The following CNTN5 variants were observed in gnomAD, a reference collection of about 807,000 sequenced individuals.
The protein encoded by CNTN5 is contactin 5, also known as contactin-5.
In CNTN5, 77 loss-of-function variants were observed where a neutral mutation model predicts 129.1. That is an observed-to-expected ratio of 0.60 (90% confidence interval 0.50 to 0.72). The LOEUF (loss-of-function observed/expected upper bound fraction) is 0.72, where lower values mean the gene tolerates loss of function less well. CNTN5 is among the 30% of genes least tolerant of loss of function. The pLI is 0.00. For missense variants in CNTN5, 1,478 were observed against 1,328.8 expected (o/e 1.11, Z -1.75); for synonymous variants, 509 against 465.6 (o/e 1.09, Z -1.20).
At chr11:99,841,633 G>A (rs1947495640) in intron 4 of CNTN5, among the ~76,000 whole-genome samples, 1 of 151,378 alleles carries the variant, frequency 6.6e-6, no homozygotes, top group African/African-American at 2.4e-5. Context: ...AGCATCAGCA[G>A]AAGAGGAGGA....
chr11:99,294,974 T>A (rs1020869461), intron 1 of CNTN5, among the ~76,000 whole-genome samples: 12 of 152,200 alleles, frequency 7.9e-5, no homozygotes, highest in Non-Finnish European at 1.5e-4. Context: ...GTTACCATCA[T>A]TTTGGGTTTC....
intron 1 of CNTN5, among the ~76,000 whole-genome samples, chr11:99,096,776 A>G (rs191144741): frequency 1.3e-5 from 2 of 151,830 alleles, no homozygotes; most frequent in Admixed American, 6.6e-5. Flanking sequence ...CTAAATACGT[A>G]TGAAGGGTGT....
intron 2 of CNTN5, among the ~76,000 whole-genome samples, chr11:99,382,441 A>G (rs1012238999): frequency 6.6e-6 from 1 of 152,206 alleles, no homozygotes; most frequent in Non-Finnish European, 1.5e-5. Context: ...TTAAATAAAG[A>G]TTAAGAACTG....
intron 1 of CNTN5, among the ~76,000 whole-genome samples, chr11:99,104,850 T>C (rs1866921838): frequency 6.6e-6 from 1 of 152,128 alleles, no homozygotes. Flanking sequence ...TTTAATGCAA[T>C]ATTTTTTAAA....
At chr11:99,402,308 A>G (rs893564907) in intron 2 of CNTN5, among the ~76,000 whole-genome samples, 1 of 152,088 alleles carries the variant, frequency 6.6e-6, no homozygotes, top group Admixed American at 6.5e-5. Context: ...AATGCTTTTT[A>G]TAGTACCAAT....
At chr11:100,145,955 G>C (rs1354268545) in intron 13 of CNTN5, among the ~76,000 whole-genome samples, 1 of 152,120 alleles carries the variant, frequency 6.6e-6, no homozygotes, top group Admixed American at 6.6e-5. Context: ...ACCAGTATTA[G>C]AATCAGATAC....
At chr11:99,157,603 C>T (rs1480442634) in intron 1 of CNTN5, among the ~76,000 whole-genome samples, 1 of 151,964 alleles carries the variant, frequency 6.6e-6, no homozygotes, top group Non-Finnish European at 1.5e-5. Flanking sequence ...TATACCTATA[C>T]TGGAAATTGG....
chr11:99,811,820 T>C (rs183868755), intron 3 of CNTN5, among the ~76,000 whole-genome samples: 1 of 152,200 alleles, frequency 6.6e-6, no homozygotes, highest in African/African-American at 2.4e-5. Flanking sequence ...CTTTAACACA[T>C]GCTCCCTAAG....
intron 1 of CNTN5, among the ~76,000 whole-genome samples, chr11:99,050,950 T>C (rs781022232): frequency 1.2e-4 from 18 of 151,940 alleles, no homozygotes; most frequent in Non-Finnish European, 1.8e-4. Flanking sequence ...GTCCTACATA[T>C]GTATTTGCGT....
chr11:99,179,771 G>C (rs1255617297), intron 1 of CNTN5, among the ~76,000 whole-genome samples: 1 of 152,178 alleles, frequency 6.6e-6, no homozygotes, highest in African/African-American at 2.4e-5. Flanking sequence ...AAGTGTTACA[G>C]ATATCTTCTG....
At chr11:99,520,308 C>T (rs1360014346) in intron 2 of CNTN5, among the ~76,000 whole-genome samples, 1 of 152,056 alleles carries the variant, frequency 6.6e-6, no homozygotes, top group Non-Finnish European at 1.5e-5. Flanking sequence ...ATAGTCTCTC[C>T]TAGATAACTG....
chr11:99,387,125 A>G (rs1940967876), intron 2 of CNTN5, among the ~76,000 whole-genome samples: 1 of 152,214 alleles, frequency 6.6e-6, no homozygotes, highest in Non-Finnish European at 1.5e-5. Context: ...AGCTCTGAAT[A>G]GCAGGGAGGT....
At chr11:100,327,733 C>A (rs1321985838) in intron 21 of CNTN5, among the ~76,000 whole-genome samples, 1 of 152,060 alleles carries the variant, frequency 6.6e-6, no homozygotes, top group Admixed American at 6.6e-5. Flanking sequence ...CAAAAAATAC[C>A]TTCGAATGGA....
intron 1 of CNTN5, among the ~76,000 whole-genome samples, chr11:99,066,214 C>T (rs1293315644): frequency 1.3e-5 from 2 of 152,148 alleles, no homozygotes; most frequent in African/African-American, 4.8e-5. Context: ...TGCGATTCTC[C>T]TGCCTCAGCC....
At chr11:99,082,370 A>G (rs1865838643) in intron 1 of CNTN5, among the ~76,000 whole-genome samples, 4 of 152,024 alleles carry the variant, frequency 2.6e-5, no homozygotes, top group Admixed American at 2.6e-4. Context: ...TTTTTAGTAG[A>G]GACGGGGTTT....
intron 9 of CNTN5, among the ~76,000 whole-genome samples, chr11:100,034,900 C>A (rs1377756252): frequency 3.3e-5 from 5 of 152,194 alleles, no homozygotes; most frequent in Admixed American, 3.3e-4. Context: ...CCTTGTCTTC[C>A]TCTTCAGCCT....
intron 21 of CNTN5, among the ~76,000 whole-genome samples, chr11:100,324,052 T>C (rs2138968517): frequency 6.6e-6 from 1 of 152,288 alleles, no homozygotes; most frequent in Non-Finnish European, 1.5e-5. Flanking sequence ...AACAATATTG[T>C]AATATGTCAA....
chr11:99,082,188 C>CTT (rs747509458), intron 1 of CNTN5, among the ~76,000 whole-genome samples: 22,031 of 132,582 alleles, frequency 0.17, 2,635 homozygotes, highest in East Asian at 0.41. Flanking sequence ...TCTCCAAAAG[C>CTT]TTTTTTTTTT....
chr11:100,182,328 A>G (rs1389270853), intron 13 of CNTN5, among the ~76,000 whole-genome samples: 2 of 152,048 alleles, frequency 1.3e-5, no homozygotes, highest in African/African-American at 4.8e-5. Context: ...TTTCTAGTGA[A>G]GGCCCTCTTT....
Sources: gnomAD v4.1 joint callset for allele counts (sites outside exome capture counted in the v4.1 genomes callset) on GRCh38, gnomAD v4.1.1 for gene constraint, MANE v1.5 for transcripts, NCBI Gene and HGNC (gene_info 2026-07-23, HGNC 2026-07-21) for gene names.